The following KALRN variants were observed in gnomAD, a reference collection of about 807,000 sequenced individuals.
KALRN encodes the protein kalirin.
KALRN carries 70 observed loss-of-function variants against 353.7 expected under a neutral mutation model. The ratio of observed to expected loss-of-function variants is 0.20; its 90% CI spans 0.16 to 0.24. KALRN has a LOEUF of 0.24. KALRN is among the 10% of genes least tolerant of loss of function. The pLI is 1.00. For missense variants in KALRN, 2,791 were observed against 3,756.7 expected, an observed-to-expected ratio of 0.74 and a Z score of 6.72; for synonymous variants, 1,391 against 1,434.8, an observed-to-expected ratio of 0.97 and a Z score of 0.69.
chr3:124,111,360 A>G (rs1032050274), intron 1 of KALRN, among the ~76,000 whole-genome samples: 1 of 152,210 alleles, frequency 6.6e-6, no homozygotes, highest in Non-Finnish European at 1.5e-5. Flanking sequence ...CATGTCTCAA[A>G]GGCCATTATT....
At position 124,439,147 on chromosome 3, in the gene KALRN, TTC is replaced by T. The variant is rs1223333604; in HGVS notation, c.3198+118_3198+119del. 9 of 1,012,994 alleles carry T rather than the reference TTC, an allele frequency of 8.9e-6. No homozygotes were observed. The African/African-American group carries it at 1.0e-4, about 12-fold the overall frequency. The allele number at this position is 1,012,994 out of a possible 1,614,324, so 62.8% of individuals were successfully genotyped here. ...TCTTTCTCTTTCTCTCTCTTTCTCT[TTC>T]TCTCTCTTTCTCTTTCTCCTCCTCC... is the stretch of plus-strand genomic sequence containing the variant. On this transcript the variant is annotated intron_variant, in intron 18 of 59. Transcript: ENST00000682506.
At chr3:124,348,881 C>A (rs959160037) in intron 10 of KALRN, among the ~76,000 whole-genome samples, 1 of 152,074 alleles carries the variant, frequency 6.6e-6, no homozygotes, top group Non-Finnish European at 1.5e-5. Context: ...CCACACCCGG[C>A]TAATTTTTTG....
At chr3:124,090,925 A>G (rs189769034) in intron 1 of KALRN, among the ~76,000 whole-genome samples, 1 of 152,284 alleles carries the variant, frequency 6.6e-6, no homozygotes, top group Admixed American at 6.5e-5. Flanking sequence ...GGGAGGGTGG[A>G]CTTGAATTTC....
chr3:124,675,835 G>A (rs1371481120), intron 49 of KALRN, among the ~76,000 whole-genome samples: 2 of 152,106 alleles, frequency 1.3e-5, no homozygotes, highest in Non-Finnish European at 1.5e-5. Context: ...ACGTGGTGCA[G>A]GGGGCTTCCA....
chr3:124,587,575 C>T (rs2075322401), intron 34 of KALRN, among the ~76,000 whole-genome samples: 1 of 152,134 alleles, frequency 6.6e-6, no homozygotes, highest in African/African-American at 2.4e-5. Flanking sequence ...GATAAAGTAC[C>T]TGTGTGGTCT....
intron 5 of KALRN, among the ~76,000 whole-genome samples, chr3:124,281,985 AG>A (rs1325107780): frequency 6.6e-6 from 1 of 152,220 alleles, no homozygotes; most frequent in Non-Finnish European, 1.5e-5. Context: ...CTGGGGTGTT[AG>A]CAAGTTTCAC....
intron 17 of KALRN, 75 bp downstream of exon 17, chr3:124,434,600 G>T (rs2093398675): frequency 1.5e-6 from 2 of 1,352,398 alleles, no homozygotes; most frequent in Non-Finnish European, 2.1e-6. Flanking sequence ...GTGTAAATGT[G>T]CAGTGCTTAT....
At chr3:124,108,497 A>C (rs2062533174) in intron 1 of KALRN, among the ~76,000 whole-genome samples, 2 of 152,252 alleles carry the variant, frequency 1.3e-5, no homozygotes, top group Admixed American at 1.3e-4. Context: ...ATGTTTGGGC[A>C]CACAGTTAGA....
chr3:124,683,053 T>C (rs975560139), intron 51 of KALRN, among the ~76,000 whole-genome samples: 3 of 151,992 alleles, frequency 2.0e-5, no homozygotes, highest in Non-Finnish European at 4.4e-5. Context: ...AGCTTACTTC[T>C]TTACCTTGTA....
At chr3:124,519,257 A>G (rs990082178) in intron 33 of KALRN, 1 of 956,412 alleles carries the variant, frequency 1.0e-6, no homozygotes, top group Non-Finnish European at 1.2e-6. Flanking sequence ...TTGAAACTAG[A>G]TGATGGTACG....
At chr3:124,511,591 T>C (rs2065909115) in intron 33 of KALRN, among the ~76,000 whole-genome samples, 1 of 152,142 alleles carries the variant, frequency 6.6e-6, no homozygotes, top group South Asian at 2.1e-4. Context: ...CACATAGCAC[T>C]TTCTAGGACC....
At chr3:124,507,610 T>C (rs2065378859) in intron 33 of KALRN, among the ~76,000 whole-genome samples, 2 of 152,226 alleles carry the variant, frequency 1.3e-5, no homozygotes. Flanking sequence ...ATTCAGAATA[T>C]ATCAAAACAA....
chr3:124,588,678 G>A (rs975789515), intron 34 of KALRN, among the ~76,000 whole-genome samples: 6 of 135,928 alleles, frequency 4.4e-5, no homozygotes, highest in East Asian at 2.0e-4. Flanking sequence ...CACTCCCCTC[G>A]GCCTCCCAAA....
intron 13 of KALRN, among the ~76,000 whole-genome samples, chr3:124,399,688 A>G (rs1394682099): frequency 1.3e-5 from 2 of 152,240 alleles, no homozygotes; most frequent in Admixed American, 6.5e-5. Flanking sequence ...ATTTCTACCT[A>G]TTAAGAAAGT....
In KALRN at chr3:124,668,076, ACACACACACAC is replaced by A. The variant is rs1446407554; in HGVS notation, c.6703+894_6703+904del. ...CACACACACACACACACACACACAC[ACACACACACAC>A]ACACACAACCACCTTTGGGTATACC... is the stretch of plus-strand genomic sequence containing the variant. On this transcript the variant is annotated intron_variant, in intron 47 of 59. Transcript: ENST00000682506. Among the ~76,000 whole-genome samples, 21 of 147,270 alleles carry A rather than the reference ACACACACACAC, an allele frequency of 1.4e-4. 1 individual carries two copies. The highest frequency in any genetic ancestry group is 6.9e-3 in the Middle Eastern group (2 of 290).
Position 124,053,800 on chromosome 3 carries a change from A to G in KALRN, c.73+19987A>G, listed in dbSNP as rs989496024. ...TTGATCATGTTGGGTTCTTGACACAATGTCATTTTTCAGCATTAAAATTCC... is the reference window on the plus strand; with the variant it reads ...TTGATCATGTTGGGTTCTTGACACAGTGTCATTTTTCAGCATTAAAATTCC... On this transcript the variant is annotated intron_variant, in intron 1 of 59. Coordinates refer to ENST00000682506, the MANE Select transcript of KALRN (RefSeq NM_001388419.1). Among the ~76,000 whole-genome samples, 13 of 152,320 alleles carry G rather than the reference A, an allele frequency of 8.5e-5. No individual in the cohort carries two copies. The East Asian group carries it at 1.9e-3, about 23-fold the overall frequency.
rs144964462 is a variant in KALRN, at chr3:124,126,019, T to C, written c.73+92206T>C. Among the ~76,000 whole-genome samples, 785 of 152,312 alleles carry C rather than the reference T, an allele frequency of 5.2e-3. 6 individuals are homozygous for C. The highest frequency in any genetic ancestry group is 0.017 in the African/African-American group (715 of 41,560). On this transcript the variant is annotated intron_variant, in intron 1 of 59. Transcript: ENST00000682506. ...CCCCAAATCTCGACAGCTTACCTAC[T>C]AACATTCTCTTCTGACTCTAGGTTG...
chr3:124,636,997 C>T, intron 36 of KALRN: 1 of 566,392 alleles, frequency 1.8e-6, no homozygotes, highest in Non-Finnish European at 3.2e-6. Flanking sequence ...TAGTACCATC[C>T]ATTTGCTGCT....
intron 35 of KALRN, among the ~76,000 whole-genome samples, chr3:124,633,623 G>C (rs1382760662): frequency 8.6e-6 from 1 of 115,812 alleles, no homozygotes; most frequent in African/African-American, 3.8e-5. Flanking sequence ...TTCTGGTTTT[G>C]CTTCTTTTTG....
Sources: gnomAD v4.1 joint callset for allele counts (sites outside exome capture counted in the v4.1 genomes callset) on GRCh38, gnomAD v4.1.1 for gene constraint, MANE v1.5 for transcripts, NCBI Gene and HGNC (gene_info 2026-07-23, HGNC 2026-07-21) for gene names.